NEK7: variants seen among roughly 807,000 people sequenced by gnomAD.
NEK7 encodes NIMA related kinase 7, also known as serine/threonine-protein kinase Nek7.
NEK7 carries 18 observed loss-of-function variants against 44.6 expected under a neutral mutation model. The observed-to-expected ratio is 0.40, with a 90% CI of 0.28 to 0.60. The LOEUF is 0.60. Ranked by LOEUF, NEK7 falls within the 20% of genes least tolerant of loss-of-function variation. The pLI, the probability that NEK7 is intolerant of heterozygous loss-of-function variation, is 0.38. For missense variants in NEK7, 256 were observed against 366.5 expected (o/e 0.70, Z 2.46); for synonymous variants, 130 against 121.1 (o/e 1.07, Z -0.48).
chr1:198,157,406 G>C (rs1048305083), intron 1 of NEK7, 130 bp downstream of exon 1: 1 of 152,312 alleles, frequency 6.6e-6, no homozygotes. Context: ...CCTCGCTCGG[G>C]GTAGGTGGGG....
chr1:198,290,434 T>C (rs1177905128), intron 7 of NEK7, among the ~76,000 whole-genome samples: 1 of 152,150 alleles, frequency 6.6e-6, no homozygotes, highest in Non-Finnish European at 1.5e-5. Context: ...GTACTGCAAA[T>C]TTTCCTGAGC....
At chr1:198,287,733 A>T (rs1407405152) in intron 7 of NEK7, among the ~76,000 whole-genome samples, 1 of 152,132 alleles carries the variant, frequency 6.6e-6, no homozygotes, top group Non-Finnish European at 1.5e-5. Context: ...CTTTAAAAAA[A>T]AAAAAGCTAA....
At chr1:198,265,346 C>T (rs1470682077) in intron 5 of NEK7, among the ~76,000 whole-genome samples, 1 of 152,064 alleles carries the variant, frequency 6.6e-6, no homozygotes, top group Admixed American at 6.6e-5. Flanking sequence ...CAAGAATAAC[C>T]GAATGAGAAA....
chr1:198,210,278 G>T (rs1051350323), intron 1 of NEK7, among the ~76,000 whole-genome samples: 28 of 152,150 alleles, frequency 1.8e-4, no homozygotes, highest in Non-Finnish European at 2.8e-4. Context: ...GTGTGATGGG[G>T]TCTTGCTATG....
Position 198,320,305 on chromosome 1 carries a change from T to C in NEK7, c.*783T>C, listed in dbSNP as rs544162640. On this transcript the variant is annotated 3_prime_UTR_variant, in exon 10 of 10. Coordinates refer to ENST00000367385, the MANE Select transcript of NEK7 (RefSeq NM_133494.3). ...GCCCAAGGCTTTTTTTGTGTGTTTTTATTGTTGTTTGTACATTTGAAAAAT... is the reference window on the plus strand; with the variant it reads ...GCCCAAGGCTTTTTTTGTGTGTTTTCATTGTTGTTTGTACATTTGAAAAAT... 1 of 152,298 alleles carries C rather than the reference T, an allele frequency of 6.6e-6. No individual in the cohort carries two copies. Among genetic ancestry groups the C allele is most frequent in the African/African-American group, 2.4e-5 (1 of 41,590 alleles). 9.4% of individuals were successfully genotyped at this position (152,298 alleles called of 1,614,324 possible).
intron 5 of NEK7, among the ~76,000 whole-genome samples, 156 bp downstream of exon 5, chr1:198,264,391 CA>C (rs1653582339): frequency 2.6e-5 from 3 of 114,048 alleles, no homozygotes; most frequent in Admixed American, 9.7e-5. Flanking sequence ...GGTTAGTGAT[CA>C]TAATTCTGAA....
rs146268959 is a variant in NEK7 at position 198,281,241 on chromosome 1, A to C, written c.589+2180A>C. ...TTGACCCTAATTTTTACTTTTGGAA[A>C]AGTATTACTCTGCTATGTTGTCATA... On this transcript the variant is annotated intron_variant, in intron 7 of 9. Coordinates refer to ENST00000367385, the MANE Select transcript of NEK7 (RefSeq NM_133494.3). Among the ~76,000 whole-genome samples, 418 of 152,162 alleles carry C rather than the reference A, an allele frequency of 2.7e-3. 1 individual carries two copies. Among genetic ancestry groups the C allele is most frequent in the Middle Eastern group, 6.8e-3 (2 of 294 alleles).
intron 1 of NEK7, among the ~76,000 whole-genome samples, chr1:198,213,669 T>G (rs546284075): frequency 6.6e-6 from 1 of 151,666 alleles, no homozygotes; most frequent in Admixed American, 6.6e-5. Context: ...GGGTTAGGAG[T>G]GTTACTGGGA....
Position 198,297,237 on chromosome 1 carries a change from A to C in NEK7, c.795A>C (p.Glu265Asp). 6.2e-7 allele frequency: 1 copy of C among 1,613,044 alleles called. No homozygotes were observed. The highest frequency in any genetic ancestry group is 8.5e-7 in the Non-Finnish European group (1 of 1,179,524). ...YPPLPSDHYS[E>D]ELRQLVNMCI... The stretch of plus-strand genomic sequence containing the variant: ...CTCTTCCTTCAGATCACTATTCAGA[A>C]GAAGTAAGTCATTTTCAGCCCACAT... Residue 265 changes from glutamate (E) to aspartate (D), a missense_variant, in exon 9 of 10, where the codon GAA becomes GAC. Physicochemically the swap from Glu to Asp is conservative, Grantham distance 45. Transcript: ENST00000367385.
At chr1:198,256,992 A>G (rs186202918) in intron 3 of NEK7, among the ~76,000 whole-genome samples, 251 of 152,230 alleles carry the variant, frequency 1.6e-3, no homozygotes, top group Non-Finnish European at 2.3e-3. Context: ...TTTGGGTCTC[A>G]CTGTTTCTTA....
intron 1 of NEK7, among the ~76,000 whole-genome samples, chr1:198,161,905 A>G (rs1212945072): frequency 6.6e-6 from 1 of 152,076 alleles, no homozygotes; most frequent in African/African-American, 2.4e-5. Context: ...GCCTACTGGT[A>G]TGACTACCTT....
At chr1:198,280,138 C>T (rs982756437) in intron 7 of NEK7, among the ~76,000 whole-genome samples, 2 of 151,902 alleles carry the variant, frequency 1.3e-5, no homozygotes, top group African/African-American at 4.8e-5. Context: ...AGAAATTTGA[C>T]ATGAAATTCC....
intron 2 of NEK7, among the ~76,000 whole-genome samples, chr1:198,235,179 A>ATG (rs1666512899): frequency 6.6e-6 from 1 of 152,184 alleles, no homozygotes; most frequent in Admixed American, 6.5e-5. Flanking sequence ...TGTTATAATG[A>ATG]TAAGTGATGT....
At position 198,198,196 on chromosome 1, in the gene NEK7, T is replaced by C. The variant is rs898533289; in HGVS notation, c.-28-34357T>C. The C allele has an allele frequency of 1.2e-5, 9 of 732,948 alleles. No individual in the cohort carries two copies. In the African/African-American group the frequency reaches 1.6e-4, roughly 13 times the overall value. The allele number at this position is 732,948 out of a possible 1,614,324, so 45.4% of individuals were successfully genotyped here. On this transcript the variant is annotated intron_variant, in intron 1 of 9. Transcript: ENST00000367385. ...CATTGGGATTCCACATGTTGAGGTG[T>C]GTCCTCCAGCCTTTCCACCACCGCC... is the stretch of plus-strand genomic sequence containing the variant.
Position 198,319,788 on chromosome 1 carries a change from T to C in NEK7, c.*266T>C, listed in dbSNP as rs185053247. 491 of 285,476 alleles carry C rather than the reference T, an allele frequency of 1.7e-3. No individual in the cohort carries two copies. Among genetic ancestry groups the C allele is most frequent in the Middle Eastern group, 5.3e-3 (5 of 944 alleles). The allele number at this position is 285,476 out of a possible 1,614,324, so 17.7% of individuals were successfully genotyped here. ...TGAATGGCTAAAGGTTTATAGAATT[T>C]CTTACAGTTTTCTGCTGATAAATTG... On this transcript the variant is annotated 3_prime_UTR_variant, in exon 10 of 10. Transcript: ENST00000367385.
intron 7 of NEK7, among the ~76,000 whole-genome samples, chr1:198,283,339 A>G (rs1024530898): frequency 5.9e-5 from 9 of 152,078 alleles, no homozygotes; most frequent in African/African-American, 2.2e-4. Flanking sequence ...GCGAGTCTGC[A>G]TCTTTTCCTC....
At chr1:198,319,327 A>C in intron 9 of NEK7, 85 bp from the exon 10 acceptor site, 3 of 757,712 alleles carry the variant, frequency 4.0e-6, no homozygotes, top group Non-Finnish European at 6.6e-6. Context: ...TGTAAAATCT[A>C]TAGCTATTCA....
chr1:198,266,321 C>G (rs929356455), intron 5 of NEK7, among the ~76,000 whole-genome samples: 1 of 151,994 alleles, frequency 6.6e-6, no homozygotes, highest in Non-Finnish European at 1.5e-5. Flanking sequence ...TAGCTATTGC[C>G]AAATTAGTCC....
intron 7 of NEK7, among the ~76,000 whole-genome samples, chr1:198,289,640 C>T (rs1252459377): frequency 6.6e-6 from 1 of 152,158 alleles, no homozygotes; most frequent in African/African-American, 2.4e-5. Flanking sequence ...TGTGAGGATG[C>T]TTCAGTCGTT....
Sources: allele counts gnomAD v4.1 joint callset (sites outside exome capture counted in the v4.1 genomes callset), GRCh38; gene constraint gnomAD v4.1.1; transcripts MANE v1.5; gene names NCBI Gene and HGNC (gene_info 2026-07-23, HGNC 2026-07-21).